Variants in ANO1 observed in about 807,000 individuals in gnomAD.
ANO1 encodes anoctamin-1.
Under a neutral mutation model 124.0 loss-of-function variants are expected in ANO1, and 59 were observed. The observed-to-expected ratio is 0.48, with a 90% confidence interval of 0.39 to 0.59. ANO1 has a LOEUF of 0.59. ANO1 is among the 20% of genes least tolerant of loss of function. The probability of loss-of-function intolerance (pLI) is 0.00; values close to 1 mark genes in which losing one functional copy is unlikely to be tolerated. For missense variants in ANO1, 1,059 were observed against 1,328.0 expected, an observed-to-expected ratio of 0.80 and a Z score of 3.15; for synonymous variants, 529 against 532.0, an observed-to-expected ratio of 0.99 and a Z score of 0.08.
Position 70,156,977 on chromosome 11 carries a change from C to T in ANO1, c.1534C>T (p.Arg512Trp). The T allele has an allele frequency of 1.2e-6, 2 of 1,613,594 alleles. No homozygotes were observed. The highest frequency in any genetic ancestry group is 1.7e-6 in the Non-Finnish European group (2 of 1,179,784). The change falls in exon 16 of 26, where the codon CGG becomes TGG. Residue 512 changes from arginine to tryptophan, a missense_variant. Arg to Trp is a moderately radical substitution (Grantham distance 101). Transcript: ENST00000355303. ...TDKVKLTWRD[R>W]FPAYLTNLVS... The stretch of plus-strand genomic sequence containing the variant: ...CAAAGTGAAGCTGACATGGAGAGAT[C>T]GGTTCCCAGCCTACCTCACTAACTT...
chr11:70,015,493 C>T (rs544999849), intron 1 of ANO1, among the ~76,000 whole-genome samples: 77 of 152,254 alleles, frequency 5.1e-4, no homozygotes, highest in Non-Finnish European at 6.9e-4. Flanking sequence ...CAGCCCTGGG[C>T]GGGTGGGGCA....
At chr11:70,152,360 TGTCC>T in intron 12 of ANO1, 86 bp from the exon 13 acceptor site, 1 of 1,038,116 alleles carries the variant, frequency 9.6e-7, no homozygotes, top group Non-Finnish European at 1.4e-6. Context: ...AAAAAAAAGT[TGTCC>T]TTAGTGGACA....
chr11:70,122,744 T>G (rs2046345525), intron 8 of ANO1, among the ~76,000 whole-genome samples: 1 of 151,758 alleles, frequency 6.6e-6, no homozygotes, highest in South Asian at 2.1e-4. Flanking sequence ...TCTCCATCTG[T>G]CTCTGTCTCC....
rs571327210 is a variant in ANO1 at position 70,095,962 on chromosome 11, T to C, written c.442-7104T>C. Reference sequence around the variant, plus strand: ...TCCTGTCCTTTGCAGTTCTTTTCTATCTTGAGGTTTATGTCTTTAAACGAG... The same window carrying C: ...TCCTGTCCTTTGCAGTTCTTTTCTACCTTGAGGTTTATGTCTTTAAACGAG... On this transcript the variant is annotated intron_variant, in intron 2 of 25. Coordinates refer to ENST00000355303, the MANE Select transcript of ANO1 (RefSeq NM_018043.7). Among the ~76,000 whole-genome samples, 15 of 152,360 alleles carry C rather than the reference T, an allele frequency of 9.8e-5. No homozygotes were observed. In the South Asian group the frequency reaches 2.1e-3, roughly 21 times the overall value.
At chr11:70,089,354 T>C (rs1353554505) in intron 2 of ANO1, among the ~76,000 whole-genome samples, 1 of 152,180 alleles carries the variant, frequency 6.6e-6, no homozygotes, top group East Asian at 1.9e-4. Context: ...GATAAGAATG[T>C]CCTCGGAGTA....
At chr11:70,134,018 C>T (rs1191723474) in intron 11 of ANO1, among the ~76,000 whole-genome samples, 1 of 152,216 alleles carries the variant, frequency 6.6e-6, no homozygotes, top group African/African-American at 2.4e-5. Flanking sequence ...TGGAGCTTCT[C>T]CATTTAGATG....
chr11:70,003,861 A>C (rs1331533581), intron 1 of ANO1, among the ~76,000 whole-genome samples: 3 of 152,150 alleles, frequency 2.0e-5, no homozygotes, highest in Non-Finnish European at 2.9e-5. Context: ...CTACCTGTGG[A>C]CACCCCACAG....
chr11:70,027,701 G>A (rs897323775), intron 1 of ANO1, among the ~76,000 whole-genome samples: 1 of 152,222 alleles, frequency 6.6e-6, no homozygotes, highest in Non-Finnish European at 1.5e-5. Flanking sequence ...GTCTGGGCAG[G>A]AGGCACTGTT....
intron 2 of ANO1, among the ~76,000 whole-genome samples, chr11:70,096,661 G>A (rs1013892278): frequency 2.0e-5 from 3 of 152,144 alleles, no homozygotes; most frequent in Non-Finnish European, 4.4e-5. Context: ...AGGACTTCCA[G>A]ACCAGCCTGG....
chr11:69,999,667 C>T (rs1176072788), intron 1 of ANO1, among the ~76,000 whole-genome samples: 8 of 152,188 alleles, frequency 5.3e-5, no homozygotes, highest in Non-Finnish European at 7.3e-5. Context: ...CTCTTGGGCT[C>T]ATCTCTGAAT....
At chr11:70,113,594 A>C (rs958661050) in intron 7 of ANO1, among the ~76,000 whole-genome samples, 2 of 152,084 alleles carry the variant, frequency 1.3e-5, no homozygotes, top group Non-Finnish European at 2.9e-5. Context: ...CCATGATCCC[A>C]AGAAGGCAGC....
At chr11:70,033,332 A>T (rs564540071) in intron 1 of ANO1, among the ~76,000 whole-genome samples, 1 of 152,308 alleles carries the variant, frequency 6.6e-6, no homozygotes, top group African/African-American at 2.4e-5. Context: ...AAACCCTCCA[A>T]GATCGAGAGT....
At chr11:70,066,704 G>A (rs1211607982) in intron 1 of ANO1, among the ~76,000 whole-genome samples, 1 of 152,184 alleles carries the variant, frequency 6.6e-6, no homozygotes, top group Non-Finnish European at 1.5e-5. Context: ...GGTCTCCCGT[G>A]GAGATTAGAC....
At chr11:70,110,732 T>C (rs561913757) in intron 6 of ANO1, among the ~76,000 whole-genome samples, 2 of 152,290 alleles carry the variant, frequency 1.3e-5, no homozygotes, top group South Asian at 4.1e-4. Flanking sequence ...AGGAAGCCTC[T>C]TCAGCCAAGC....
intron 1 of ANO1, among the ~76,000 whole-genome samples, chr11:70,037,495 G>A (rs1857114416): frequency 6.6e-6 from 1 of 152,028 alleles, no homozygotes; most frequent in African/African-American, 2.4e-5. Context: ...GGGGCAGAGG[G>A]AGGCCCAAGC....
In ANO1 at chr11:70,153,147, G is replaced by A; in HGVS notation, c.1425+19G>A. The A allele has an allele frequency of 8.3e-6, 13 of 1,574,150 alleles. No homozygotes were observed. Among genetic ancestry groups the A allele is most frequent in the Non-Finnish European group, 1.1e-5 (13 of 1,153,864 alleles). On this transcript the variant is annotated intron_variant, in intron 14 of 25. Transcript: ENST00000355303. Reference sequence around the variant, plus strand: ...CAAAGAGGTATGGTGGCCACTGTGGGTTAACTTTCCCAGCAATAAAACACT... The same window carrying A: ...CAAAGAGGTATGGTGGCCACTGTGGATTAACTTTCCCAGCAATAAAACACT...
upstream of ANO1, among the ~76,000 whole-genome samples, chr11:70,077,238 G>A (rs1365202806): frequency 6.6e-6 from 1 of 152,178 alleles, no homozygotes; most frequent in African/African-American, 2.4e-5. Flanking sequence ...AAAATGAGAC[G>A]GAATAAATGA....
At chr11:70,008,073 A>G (rs782776462) in intron 1 of ANO1, among the ~76,000 whole-genome samples, 1 of 152,028 alleles carries the variant, frequency 6.6e-6, no homozygotes, top group Non-Finnish European at 1.5e-5. Context: ...AGAAATGTCT[A>G]TTAATTCTCT....
At chr11:70,075,660 A>T (rs1241097220), upstream of ANO1, among the ~76,000 whole-genome samples, 12 of 152,178 alleles carry the variant, frequency 7.9e-5, no homozygotes, top group African/African-American at 2.9e-4. Context: ...AATCCTGCCC[A>T]CAAAATCTGT....
Sources: gnomAD v4.1 joint callset for allele counts (sites outside exome capture counted in the v4.1 genomes callset) on GRCh38, gnomAD v4.1.1 for gene constraint, MANE v1.5 for transcripts, NCBI Gene and HGNC (gene_info 2026-07-23, HGNC 2026-07-21) for gene names.